Variants in CDC42BPG observed in about 807,000 individuals in gnomAD.
The protein encoded by CDC42BPG is CDC42 binding protein kinase gamma, also known as serine/threonine-protein kinase MRCK gamma.
CDC42BPG carries 157 observed loss-of-function variants against 192.2 expected under a neutral mutation model. The observed-to-expected ratio is 0.82, with a 90% CI of 0.72 to 0.93. CDC42BPG has a LOEUF of 0.93. CDC42BPG is among the 40% of genes least tolerant of loss of function. The pLI is 0.00. For missense variants in CDC42BPG, 1,992 were observed against 2,122.1 expected, an observed-to-expected ratio of 0.94 and a Z score of 1.20; for synonymous variants, 981 against 918.5, an observed-to-expected ratio of 1.07 and a Z score of -1.23.
In CDC42BPG at chr11:64,841,767, C is replaced by T. The variant is rs1261549764; in HGVS notation, c.253-34G>A. 3 of 1,613,072 alleles carry T rather than the reference C, an allele frequency of 1.9e-6. No homozygotes were observed. The African/African-American group carries it at 4.0e-5, about 22-fold the overall frequency. On this transcript the variant is annotated intron_variant, in intron 2 of 36. Transcript: ENST00000342711. ...ACAGGGAGGACCGGGGTGAGCCCAG[C>T]CCGGTGTGAACACCTCCCCCCACCT...
chr11:64,830,068 T>C lies in CDC42BPG; in HGVS notation c.3370A>G (p.Ile1124Val), dbSNP rs750923363. The C allele has an allele frequency of 1.9e-6, 3 of 1,612,410 alleles. No individual in the cohort carries two copies. The highest frequency in any genetic ancestry group is 2.7e-5 in the African/African-American group (2 of 74,906). The change falls in exon 30 of 37, where the codon ATC becomes GTC. Residue 1124 changes from isoleucine to valine, a missense_variant and splice_region_variant. By Grantham distance (29) the Ile-to-Val change is conservative. Coordinates refer to ENST00000342711, the MANE Select transcript of CDC42BPG (RefSeq NM_017525.3). ...LFVIHLRSND[I>V]FQVGECRRVQ... ...CGCCGGCACTCCCCCACCTGGAAGA[T>C]GTCTGCAGGGTTGGCGAGGGGAGAG...
chr11:64,831,770 C>T, intron 27 of CDC42BPG, 49 bp from the exon 28 acceptor site: 1 of 1,495,960 alleles, frequency 6.7e-7, no homozygotes, highest in Non-Finnish European at 9.0e-7. Context: ...AGCCATCTGT[C>T]CTCCCTCCCT....
rs1270954514 is a variant in CDC42BPG, at chr11:64,832,869, T to C, written c.2822A>G (p.His941Arg). 6.4e-7 allele frequency: 1 copy of C among 1,566,574 alleles called. No individual in the cohort carries two copies. The highest frequency in any genetic ancestry group is 1.2e-5 in the South Asian group (1 of 85,504). Reference protein sequence around the residue: ...PDLLRTALGVHPETGTGTAYE... With the variant: ...PDLLRTALGVRPETGTGTAYE... Reference sequence around the variant, plus strand: ...GGCAGTGCCTGTGCCTGTTTCGGGGTGTACTCCCAGGGCTGTGCGGAGGAG... The same window carrying C: ...GGCAGTGCCTGTGCCTGTTTCGGGGCGTACTCCCAGGGCTGTGCGGAGGAG... The change falls in exon 25 of 37, where the codon CAC (histidine) becomes CGC (arginine). Residue 941 changes from histidine (H) to arginine (R), a missense_variant. This residue lies in a region of CDC42BPG where 1,656 missense variants were observed against 1,844.3 expected (regional missense o/e 0.90). Coordinates refer to ENST00000342711, the MANE Select transcript of CDC42BPG (RefSeq NM_017525.3).
At chr11:64,834,662 C>A (rs1942886408) in intron 18 of CDC42BPG, 85 bp from the exon 19 acceptor site, 2 of 1,447,454 alleles carry the variant, frequency 1.4e-6, no homozygotes, top group Non-Finnish European at 9.2e-7. Context: ...TCCTGCTACC[C>A]ATGCCACCCA....
At chr11:64,843,671 G>C (rs1943378957) in intron 1 of CDC42BPG, among the ~76,000 whole-genome samples, 3 of 152,218 alleles carry the variant, frequency 2.0e-5, no homozygotes, top group Admixed American at 2.0e-4. Context: ...AGTGGGTTCA[G>C]GGTCACCCCG....
intron 13 of CDC42BPG, 77 bp from the exon 14 acceptor site, chr11:64,835,928 G>C: frequency 7.1e-7 from 1 of 1,412,378 alleles, no homozygotes; most frequent in Non-Finnish European, 9.7e-7. Flanking sequence ...ATGGACTCCA[G>C]ACCTGCCAGC....
rs909018632 is a variant in CDC42BPG at position 64,830,193 on chromosome 11, C to T, written c.3367+1G>A. 3 of 1,613,668 alleles carry T rather than the reference C, an allele frequency of 1.9e-6. No individual in the cohort carries two copies. Among genetic ancestry groups the T allele is most frequent in the Non-Finnish European group, 2.5e-6 (3 of 1,179,828 alleles). ...CACCCTAGCCCAGCTTTGATAGGTA[C>T]CGTTGCTGCGCAGATGGATGACAAA... On this transcript the variant is annotated splice_donor_variant, in intron 29 of 36. Coordinates refer to ENST00000342711, the MANE Select transcript of CDC42BPG (RefSeq NM_017525.3). LOFTEE classifies it high-confidence loss of function.
intron 36 of CDC42BPG, among the ~76,000 whole-genome samples, chr11:64,825,168 C>T (rs562052627): frequency 4.7e-4 from 72 of 152,292 alleles, no homozygotes; most frequent in Non-Finnish European, 9.0e-4. Context: ...CTGCCTGCCT[C>T]AGCCTCCCAA....
At chr11:64,830,365 GGCAATAATCCCGCTGTCCCT>G (rs1942629759) in intron 28 of CDC42BPG, 109 bp from the exon 29 acceptor site, 4 of 939,062 alleles carry the variant, frequency 4.3e-6, no homozygotes, top group Admixed American at 2.0e-5. Flanking sequence ...AAATGGGGGT[GGCAATAATCCCGCTGTCCCT>G]GCCTCACTGA....
At chr11:64,835,026 C>A in intron 17 of CDC42BPG, 21 bp downstream of exon 17, 1 of 1,567,884 alleles carries the variant, frequency 6.4e-7, no homozygotes, top group East Asian at 2.3e-5. Context: ...TTCCCCACCC[C>A]GACCCACCCC....
rs762505713 is a variant in CDC42BPG, at chr11:64,832,464, G to A, written c.3051C>T (p.Ile1017=). Residue 1017 remains isoleucine, a synonymous_variant, in exon 27 of 37, where the codon ATC becomes ATT. Transcript: ENST00000342711. Reference sequence around the variant, plus strand: ...GTGGCAGGTCCCTGGATTGGGCATGGATAACATCAGAGGCCAGGACAGGGG... The same window carrying A: ...GTGGCAGGTCCCTGGATTGGGCATGAATAACATCAGAGGCCAGGACAGGGG... ...SATPVLASDV[I]HAQSRDLPRI... The A allele has an allele frequency of 2.2e-5, 35 of 1,614,006 alleles. No individual in the cohort carries two copies. Among genetic ancestry groups the A allele is most frequent in the Non-Finnish European group, 2.9e-5 (34 of 1,180,010 alleles).
Position 64,836,123 on chromosome 11 carries a change from C to T in CDC42BPG, c.1662G>A (p.Gln554=). ...SSQLEEARAA[Q]RELEAQVSSL... ...ACCCACCCTGGTCACTCACCTCCCT[C>T]TGGGCAGCCCGGGCTTCCTCCAGCT... Residue 554 remains glutamine, a synonymous_variant, in exon 13 of 37, where the codon CAG becomes CAA. Coordinates refer to ENST00000342711, the MANE Select transcript of CDC42BPG (RefSeq NM_017525.3). 1 of 1,598,728 alleles carries T rather than the reference C, an allele frequency of 6.3e-7. No homozygotes were observed. The highest frequency in any genetic ancestry group is 8.5e-7 in the Non-Finnish European group (1 of 1,174,498).
chr11:64,838,793 T>C lies in CDC42BPG; in HGVS notation c.986A>G (p.Asp329Gly). 3 of 1,612,518 alleles carry C rather than the reference T, an allele frequency of 1.9e-6. No homozygotes were observed. In the South Asian group the frequency reaches 3.3e-5, roughly 18 times the overall value. ...QEERLGRGGL[D>G]DFRNHPFFEG... ...GAAGAAAGGATGGTTCCGGAAGTCA[T>C]CCAGCCCACCACGGCCTAGCCGCTC... is the stretch of plus-strand genomic sequence containing the variant. Residue 329 changes from aspartate (D) to glycine (G), a missense_variant, in exon 8 of 37, where the codon GAT becomes GGT. Coordinates refer to ENST00000342711, the MANE Select transcript of CDC42BPG (RefSeq NM_017525.3).
chr11:64,839,054 G>A lies in CDC42BPG; in HGVS notation c.855C>T (p.Tyr285=), dbSNP rs376517492. ...PFYAESLVET[Y]GKIMNHEDHL... ...AGACCTCGTGGTTCATGATCTTGCC[G>A]TAGGTTTCCACCAAGGACTCAGCAT... Residue 285 remains tyrosine, a synonymous_variant, in exon 7 of 37, where the codon TAC becomes TAT. Transcript: ENST00000342711. 125 of 1,613,526 alleles carry A rather than the reference G, an allele frequency of 7.7e-5. No homozygotes were observed. The highest frequency in any genetic ancestry group is 9.5e-5 in the Non-Finnish European group (112 of 1,180,036).
In CDC42BPG at chr11:64,833,926, T is replaced by C. The variant is rs1179895023; in HGVS notation, c.2465A>G (p.Glu822Gly). 1 of 1,614,064 alleles carries C rather than the reference T, an allele frequency of 6.2e-7. No homozygotes were observed. The highest frequency in any genetic ancestry group is 1.3e-5 in the African/African-American group (1 of 74,922). The change falls in exon 21 of 37, where the codon GAG (glutamate) becomes GGG (glycine). Residue 822 changes from glutamate to glycine, a missense_variant and splice_region_variant. By Grantham distance (98) the Glu-to-Gly change is moderately conservative. Around this residue, in one of 2 missense-constraint regions of CDC42BPG, gnomAD observed 1,656 missense variants for 1,844.3 expected, o/e 0.90. Coordinates refer to ENST00000342711, the MANE Select transcript of CDC42BPG (RefSeq NM_017525.3). ...CAAGCCCCTTGGCCTGGTCCTTACCTCTGAGCTCCGGAAGGACAGGAAGGG... is the reference window on the plus strand; with the variant it reads ...CAAGCCCCTTGGCCTGGTCCTTACCCCTGAGCTCCGGAAGGACAGGAAGGG... ...LIPFLSFRSS[E>G]KDSAKDPGIS...
At position 64,824,519 on chromosome 11, in the gene CDC42BPG, C is replaced by T. The variant is rs745799737; in HGVS notation, c.4610G>A (p.Arg1537Gln). ...PATSLMQVSE[R>Q]PRSLPLSPEL... ...AGGGGATAGGGGGAGGCTTCGGGGC[C>T]GTTCTGAGACCTGCAGGAGAAAGAA... Residue 1537 changes from arginine (R) to glutamine (Q), a missense_variant, in exon 37 of 37, where the codon CGG (arginine) becomes CAG (glutamine). Transcript: ENST00000342711. 2.6e-5 allele frequency: 41 copies of T among 1,606,900 alleles called. No homozygotes were observed. The highest frequency in any genetic ancestry group is 1.5e-4 in the Admixed American group (9 of 59,684).
intron 36 of CDC42BPG, among the ~76,000 whole-genome samples, chr11:64,825,392 C>T (rs954598422): frequency 2.0e-5 from 3 of 152,070 alleles, no homozygotes; most frequent in Admixed American, 6.6e-5. Context: ...GTGGAGGGAG[C>T]GGGGTGGCAA....
Position 64,834,506 on chromosome 11 carries a change from C to G in CDC42BPG, c.2247G>C (p.Leu749=), listed in dbSNP as rs749430212. 6.3e-7 allele frequency: 1 copy of G among 1,578,812 alleles called. No individual in the cohort carries two copies. Among genetic ancestry groups the G allele is most frequent in the Non-Finnish European group, 8.6e-7 (1 of 1,162,228 alleles). Residue 749 remains leucine (L), a synonymous_variant, in exon 19 of 37, where the codon CTG becomes CTC. Coordinates refer to ENST00000342711, the MANE Select transcript of CDC42BPG (RefSeq NM_017525.3). ...CCTGCTTGGCGCGGATCTCGGCCTC[C>G]AGCGCTGACTGCAGCTCCAGCCTGG... ...ASARLELQSA[L]EAEIRAKQGL...
rs775396482 is a variant in CDC42BPG at position 64,835,060 on chromosome 11, C to T, written c.2047G>A (p.Asp683Asn). 4.8e-5 allele frequency: 61 copies of T among 1,282,658 alleles called. No individual in the cohort carries two copies. In the South Asian group the frequency reaches 6.1e-4, roughly 13 times the overall value. 79.5% of individuals were successfully genotyped at this position (1,282,658 alleles called of 1,614,324 possible). The change falls in exon 17 of 37, where the codon GAC becomes AAC. Residue 683 changes from aspartate to asparagine, a missense_variant. Physicochemically the swap from Asp to Asn is conservative, Grantham distance 23 (BLOSUM62 1). Transcript: ENST00000342711. ...TESNWEAQLA[D>N]ILSWVNDEKV... ...CCTGGCACCCACCAGCTGAGGATGT[C>T]GGCGAGCTGGGCCTCCCAGTTGCTC...
Sources: allele counts gnomAD v4.1 joint callset (sites outside exome capture counted in the v4.1 genomes callset), GRCh38; gene constraint gnomAD v4.1.1; regional missense constraint gnomAD v4.1.1; transcripts MANE v1.5; gene names NCBI Gene and HGNC (gene_info 2026-07-23, HGNC 2026-07-21).